UFD1: variants seen among roughly 807,000 people sequenced by gnomAD.
UFD1 encodes ubiquitin recognition factor in ER associated degradation 1, also known as ubiquitin recognition factor in ER-associated degradation protein 1.
UFD1 carries 13 observed loss-of-function variants against 45.9 expected under a neutral mutation model. The ratio of observed to expected loss-of-function variants is 0.28; its 90% confidence interval spans 0.18 to 0.45. UFD1 has a LOEUF of 0.45. UFD1 is among the 20% of genes least tolerant of loss of function. The pLI, the probability that UFD1 is intolerant of heterozygous loss-of-function variation, is 1.00. For synonymous variants in UFD1, 128 were observed against 139.2 expected (o/e 0.92, Z 0.56); for missense variants, 218 against 389.2 (o/e 0.56, Z 3.70).
Position 19,454,971 on chromosome 22 carries a change from G to A in UFD1, c.768-141C>T. ...TTGGTGCTTCCTGGCATCCTCCCAG[G>A]AGGGAAGCAGAAAGTAACTGACTTC... is the stretch of plus-strand genomic sequence containing the variant. On this transcript the variant is annotated intron_variant, in intron 10 of 11. Transcript: ENST00000263202. The A allele has an allele frequency of 3.1e-6, 3 of 954,672 alleles. No homozygotes were observed. In the South Asian group the frequency reaches 5.2e-5, roughly 17 times the overall value. The allele number at this position is 954,672 out of a possible 1,614,324, so 59.1% of individuals were successfully genotyped here. A position where few individuals can be genotyped will look rare whatever the true frequency, so the allele number is the denominator to read the frequency against.
intron 3 of UFD1, among the ~76,000 whole-genome samples, chr22:19,474,253 C>CG (rs1305765744): frequency 6.6e-6 from 1 of 151,944 alleles, no homozygotes; most frequent in African/African-American, 2.4e-5. Context: ...AGATTAGAAA[C>CG]GGGGGTCTGG....
At chr22:19,461,809 CTGTT>C (rs950870504) in intron 6 of UFD1, among the ~76,000 whole-genome samples, 9 of 151,012 alleles carry the variant, frequency 6.0e-5, no homozygotes, top group Middle Eastern at 3.4e-3. Context: ...ATTATTTAGG[CTGTT>C]TGTTTTTTTT....
At chr22:19,453,587 C>CT (rs1365648099) in intron 11 of UFD1, 1 of 985,434 alleles carries the variant, frequency 1.0e-6, no homozygotes, top group African/African-American at 1.7e-5. Flanking sequence ...CTGGTGAAGC[C>CT]TGGATGGTGC....
chr22:19,475,745 T>C, intron 1 of UFD1, 143 bp from the exon 2 acceptor site: 1 of 1,075,376 alleles, frequency 9.3e-7, no homozygotes, highest in Non-Finnish European at 1.3e-6. Flanking sequence ...TCTTACTAAA[T>C]ACAAAACAGG....
chr22:19,472,720 T>C (rs182235657), intron 3 of UFD1, among the ~76,000 whole-genome samples: 1 of 152,242 alleles, frequency 6.6e-6, no homozygotes, highest in Non-Finnish European at 1.5e-5. Context: ...GTCAGGTAGG[T>C]ACTATCATTA....
At chr22:19,454,133 T>C (rs970271905) in intron 11 of UFD1, 11 of 986,020 alleles carry the variant, frequency 1.1e-5, no homozygotes, top group Non-Finnish European at 1.3e-5. Flanking sequence ...GGGCACACAG[T>C]TCTGTGATAA....
chr22:19,459,978 C>T (rs2089754137), intron 6 of UFD1, among the ~76,000 whole-genome samples: 1 of 151,754 alleles, frequency 6.6e-6, no homozygotes, highest in African/African-American at 2.4e-5. Context: ...ACGTTGTGAT[C>T]CACCCGCCTC....
intron 6 of UFD1, among the ~76,000 whole-genome samples, chr22:19,458,492 G>A (rs1478502746): frequency 1.1e-4 from 17 of 152,154 alleles, no homozygotes; most frequent in Admixed American, 1.1e-3. Flanking sequence ...CGCCCAGGCT[G>A]GAGTGCAGTG....
intron 1 of UFD1, among the ~76,000 whole-genome samples, chr22:19,478,589 T>A (rs1357297704): frequency 6.7e-6 from 1 of 150,258 alleles, no homozygotes; most frequent in Non-Finnish European, 1.5e-5. Context: ...TCCATCGTTA[T>A]CATTACCGAA....
intron 11 of UFD1, chr22:19,454,403 G>A (rs2089706492): frequency 3.6e-6 from 3 of 831,926 alleles, no homozygotes; most frequent in Non-Finnish European, 4.4e-6. Flanking sequence ...ACTGAGTCAT[G>A]AGGGCGGGTC....
chr22:19,462,320 CT>C (rs1203419819), intron 6 of UFD1, among the ~76,000 whole-genome samples: 1 of 151,934 alleles, frequency 6.6e-6, no homozygotes, highest in Admixed American at 6.6e-5. Context: ...TTTTTATTAA[CT>C]TTATTGAATT....
At chr22:19,475,733 A>G (rs1199219553) in intron 1 of UFD1, 131 bp from the exon 2 acceptor site, 1 of 1,131,172 alleles carries the variant, frequency 8.8e-7, no homozygotes, top group African/African-American at 1.6e-5. Context: ...TCTTCAATGT[A>G]ATCTTACTAA....
intron 11 of UFD1, chr22:19,451,747 G>C: frequency 1.0e-6 from 1 of 985,410 alleles, no homozygotes; most frequent in South Asian, 4.7e-5. Context: ...TTCCTTTGCC[G>C]CACAGCCTTC....
chr22:19,464,609 A>G (rs140619108), intron 6 of UFD1, among the ~76,000 whole-genome samples: 171 of 152,390 alleles, frequency 1.1e-3, no homozygotes, highest in African/African-American at 4.0e-3. Flanking sequence ...AAACAGAGGC[A>G]TTCAGACCTG....
At chr22:19,456,954 A>G (rs763540508) in intron 7 of UFD1, 36 bp from the exon 8 acceptor site, 1 of 1,405,252 alleles carries the variant, frequency 7.1e-7, no homozygotes, top group South Asian at 1.2e-5. Flanking sequence ...AAATATTGAG[A>G]CATGACCACC....
At chr22:19,475,192 C>A in intron 2 of UFD1, 92 bp from the exon 3 acceptor site, 1 of 1,333,816 alleles carries the variant, frequency 7.5e-7, no homozygotes. Context: ...TAACAAAAAG[C>A]CTTAAACTGT....
chr22:19,467,712 C>T lies in UFD1; in HGVS notation c.422+161G>A, dbSNP rs1034236956. The T allele has an allele frequency of 7.0e-5, 92 of 1,319,852 alleles. 1 individual carries two copies. In the Admixed American group the frequency reaches 1.3e-3, roughly 18 times the overall value. The allele number at this position is 1,319,852 out of a possible 1,614,324, so 81.8% of individuals were successfully genotyped here. The stretch of plus-strand genomic sequence containing the variant: ...CACCCAGTGCACTTGGCCAGGGCCA[C>T]GCAGATGTGCTAGCTGAACCCCATT... On this transcript the variant is annotated intron_variant, in intron 5 of 11. Transcript: ENST00000263202.
At chr22:19,459,358 T>C (rs561916328) in intron 6 of UFD1, among the ~76,000 whole-genome samples, 4 of 152,312 alleles carry the variant, frequency 2.6e-5, no homozygotes, top group Admixed American at 2.6e-4. Context: ...CTCACGCCTG[T>C]AATCCCAGCA....
At chr22:19,457,832 C>T (rs921147461) in intron 7 of UFD1, among the ~76,000 whole-genome samples, 1 of 152,042 alleles carries the variant, frequency 6.6e-6, no homozygotes, top group Non-Finnish European at 1.5e-5. Flanking sequence ...AGAATATTCA[C>T]TCCTCAACGG....
Sources: allele counts gnomAD v4.1 joint callset (sites outside exome capture counted in the v4.1 genomes callset), GRCh38; gene constraint gnomAD v4.1.1; transcripts MANE v1.5; gene names NCBI Gene and HGNC (gene_info 2026-07-23, HGNC 2026-07-21).